PFKP: variants seen among roughly 807,000 people sequenced by gnomAD.
PFKP encodes ATP-dependent 6-phosphofructokinase, platelet type.
In PFKP, 101 loss-of-function variants were observed where a neutral mutation model predicts 94.3. The ratio of observed to expected loss-of-function variants is 1.07; its 90% CI spans 0.91 to 1.26. The LOEUF is 1.26. Ranked by LOEUF, PFKP falls within the 50% of genes most tolerant of loss-of-function variation. The probability of loss-of-function intolerance (pLI) is 0.00; values close to 1 mark genes in which losing one functional copy is unlikely to be tolerated. For missense variants in PFKP, 1,145 were observed against 1,103.3 expected (o/e 1.04, Z -0.53); for synonymous variants, 573 against 432.6 (o/e 1.32, Z -4.03).
At position 3,072,283 on chromosome 10, in the gene PFKP, C is replaced by T. The variant is rs970858108; in HGVS notation, c.112+4576C>T. The stretch of plus-strand genomic sequence containing the variant: ...AAGTGTGAGGTTTCCATTGGCTGGA[C>T]GTGCATTAGGTCAATGACACACATA... On this transcript the variant is annotated intron_variant, in intron 1 of 21. Coordinates refer to ENST00000381125, the MANE Select transcript of PFKP (RefSeq NM_002627.5). Among the ~76,000 whole-genome samples the T allele has an allele frequency of 6.6e-5, 10 of 152,212 alleles. 1 individual carries two copies. Among genetic ancestry groups the T allele is most frequent in the Admixed American group, 1.3e-4 (2 of 15,280 alleles).
At chr10:3,080,097 AAC>A (rs1206841922) in intron 1 of PFKP, among the ~76,000 whole-genome samples, 1 of 140,996 alleles carries the variant, frequency 7.1e-6, no homozygotes. Context: ...AAGGTTCAGG[AAC>A]AGGAGCCTCC....
At chr10:3,080,827 T>A (rs1478325873) in intron 1 of PFKP, among the ~76,000 whole-genome samples, 1 of 152,042 alleles carries the variant, frequency 6.6e-6, no homozygotes, top group African/African-American at 2.4e-5. Context: ...TCGGGGGTAA[T>A]GTTGGGAGCA....
chr10:3,136,434 CCT>C lies in PFKP; in HGVS notation c.2226-13_2226-12del. 6.2e-7 allele frequency: 1 copy of C among 1,613,268 alleles called. No individual in the cohort carries two copies. The highest frequency in any genetic ancestry group is 8.5e-7 in the Non-Finnish European group (1 of 1,179,532). ...GTGACTGCAGGCCTCACTGCTGTCT[CCT>C]CTTACCTCCACAGGCACAGGATTCC... On this transcript the variant is annotated splice_polypyrimidine_tract_variant and intron_variant, in intron 21 of 21. Coordinates refer to ENST00000381125, the MANE Select transcript of PFKP (RefSeq NM_002627.5).
chr10:3,134,728 CTGAG>C (rs1446182841), intron 20 of PFKP, 146 bp downstream of exon 20: 1 of 575,470 alleles, frequency 1.7e-6, no homozygotes, highest in African/African-American at 1.8e-5. Flanking sequence ...CTCCTGATCT[CTGAG>C]TGTTGCTATT....
At chr10:3,127,074 TTG>T (rs138568579) in intron 16 of PFKP, among the ~76,000 whole-genome samples, 115 of 152,396 alleles carry the variant, frequency 7.5e-4, no homozygotes, top group African/African-American at 2.7e-3. Context: ...TGCCGCCTTC[TTG>T]TCAGTGCTGC....
chr10:3,101,650 T>A, intron 4 of PFKP, 96 bp downstream of exon 4: 2 of 838,508 alleles, frequency 2.4e-6, no homozygotes, highest in Non-Finnish European at 3.6e-6. Flanking sequence ...CAGAAGTACC[T>A]CTTCTCACAG....
intron 8 of PFKP, chr10:3,107,965 T>C: frequency 7.8e-7 from 1 of 1,289,734 alleles, no homozygotes; most frequent in Non-Finnish European, 1.0e-6. Context: ...CGTCCCCACC[T>C]GGCTTTGCAA....
chr10:3,133,349 CCT>C (rs748862444), intron 19 of PFKP, 35 bp downstream of exon 19: 11 of 1,287,020 alleles, frequency 8.5e-6, no homozygotes, highest in African/African-American at 1.5e-5. Flanking sequence ...CCACAAAGCC[CCT>C]GTCATGTGAC....
intron 1 of PFKP, among the ~76,000 whole-genome samples, chr10:3,076,803 C>A (rs1397926516): frequency 1.3e-5 from 2 of 152,096 alleles, no homozygotes; most frequent in Non-Finnish European, 2.9e-5. Flanking sequence ...CAAGCCCTCC[C>A]CTGACCCTAC....
chr10:3,116,421 A>C (rs937369476), intron 13 of PFKP, among the ~76,000 whole-genome samples: 2 of 152,216 alleles, frequency 1.3e-5, no homozygotes, highest in African/African-American at 4.8e-5. Context: ...TTGTAAGAAA[A>C]GAAATTTTCC....
chr10:3,114,415 G>C (rs2131610685), intron 13 of PFKP, among the ~76,000 whole-genome samples: 1 of 152,328 alleles, frequency 6.6e-6, no homozygotes, highest in Admixed American at 6.5e-5. Context: ...CTCCCAAAGT[G>C]CTGGGATTAC....
intron 19 of PFKP, among the ~76,000 whole-genome samples, chr10:3,133,958 C>A (rs914368816): frequency 3.3e-5 from 5 of 152,174 alleles, no homozygotes; most frequent in African/African-American, 1.2e-4. Context: ...CTTGACACCC[C>A]AAGTCAGAAT....
At chr10:3,107,942 ACGGGGCAGAAGACGTCCC>A in intron 8 of PFKP, 1 of 1,289,630 alleles carries the variant, frequency 7.8e-7, no homozygotes, top group Non-Finnish European at 1.0e-6. Context: ...TCCAGCAGCC[ACGGGGCAGAAGACGTCCC>A]CACCTGGCTT....
chr10:3,113,820 C>T (rs1009750691), intron 13 of PFKP, among the ~76,000 whole-genome samples: 5 of 150,544 alleles, frequency 3.3e-5, no homozygotes, highest in Admixed American at 3.3e-4. Flanking sequence ...GGCGTTGTCT[C>T]GGAGGCTGTG....
Position 3,135,792 on chromosome 10 carries a change from G to A in PFKP, c.2179G>A (p.Val727Ile), listed in dbSNP as rs550347794. ...TGTGCTGGGAATAAGCAAAAGAAAC[G>A]TTATTTTTCAACCTGTGGCAGAGCT... ...ICVLGISKRN[V>I]IFQPVAELKK... Residue 727 changes from valine to isoleucine, a missense_variant, in exon 21 of 22, where the codon GTT (valine) becomes ATT (isoleucine). Val to Ile is a conservative substitution (Grantham distance 29). Around this residue, in one of 3 missense-constraint regions of PFKP, gnomAD observed 1,119 missense variants for 1,062.8 expected, o/e 1.05. Transcript: ENST00000381125. 2.0e-5 allele frequency: 32 copies of A among 1,613,790 alleles called. No homozygotes were observed. The highest frequency in any genetic ancestry group is 1.6e-4 in the South Asian group (15 of 91,040).
rs1361995041 is a variant in PFKP, at chr10:3,105,411, TGCCTTG to T, written c.689_694del (p.Leu230_Ala231del). The T allele has an allele frequency of 5.6e-6, 9 of 1,613,650 alleles. No individual in the cohort carries two copies. Among genetic ancestry groups the T allele is most frequent in the Non-Finnish European group, 5.9e-6 (7 of 1,179,802 alleles). On this transcript the variant is annotated inframe_deletion, in exon 7 of 22. Transcript: ENST00000381125. ...CACATAGGTACCTGGCCCTGGTGAG[TGCCTTG>T]GCCTGCGGTGCGGACTGGGTGTTCC...
chr10:3,097,788 T>G lies in PFKP; in HGVS notation c.187-1487T>G, dbSNP rs532093880. 2.6e-5 allele frequency among the ~76,000 whole-genome samples: 4 copies of G among 152,236 alleles called. No homozygotes were observed. In the East Asian group the frequency reaches 5.8e-4, roughly 22 times the overall value. On this transcript the variant is annotated intron_variant, in intron 2 of 21. Transcript: ENST00000381125. ...GGGAGGCCCAGGCAGGCAGATCACT[T>G]GAGGTCAAGAGTTGGAAACCAGCCT...
At chr10:3,132,805 G>A (rs375024624) in intron 18 of PFKP, among the ~76,000 whole-genome samples, 4 of 152,114 alleles carry the variant, frequency 2.6e-5, no homozygotes, top group African/African-American at 4.8e-5. Flanking sequence ...CTGTATACAC[G>A]AGGTTGCTTC....
At chr10:3,121,803 CTTTTT>C (rs759926178) in intron 16 of PFKP, among the ~76,000 whole-genome samples, 1 of 32,624 alleles carries the variant, frequency 3.1e-5, no homozygotes, top group African/African-American at 1.1e-4. Flanking sequence ...CTTTTTTTTT[CTTTTT>C]TTTTTTTTTT....
Sources: allele counts gnomAD v4.1 joint callset (sites outside exome capture counted in the v4.1 genomes callset), GRCh38; gene constraint gnomAD v4.1.1; regional missense constraint gnomAD v4.1.1; transcripts MANE v1.5; gene names NCBI Gene and HGNC (gene_info 2026-07-23, HGNC 2026-07-21).